Variants in SART1 observed in about 807,000 individuals in gnomAD.
SART1 encodes U4/U6.U5 tri-snRNP-associated protein 1.
In SART1, 28 loss-of-function variants were observed where a neutral mutation model predicts 105.0. The ratio of observed to expected loss-of-function variants is 0.27; its 90% CI spans 0.20 to 0.37. SART1 has a LOEUF of 0.37. SART1 is among the 10% of genes least tolerant of loss of function. The pLI is 1.00. For missense variants in SART1, 894 were observed against 1,106.5 expected (o/e 0.81, Z 2.72); for synonymous variants, 472 against 462.9 (o/e 1.02, Z -0.25).
chr11:65,977,990 A>G, intron 17 of SART1, 91 bp downstream of exon 17: 2 of 1,400,872 alleles, frequency 1.4e-6, no homozygotes, highest in Non-Finnish European at 2.0e-6. Context: ...GCAATGCCCC[A>G]GGGTCCTGGC....
chr11:65,963,681 C>T (rs1056864339), intron 1 of SART1, among the ~76,000 whole-genome samples: 1 of 152,074 alleles, frequency 6.6e-6, no homozygotes, highest in East Asian at 1.9e-4. Context: ...GGGGTTTCAC[C>T]ATCTTGGCCA....
At chr11:65,962,729 G>A (rs1285858474) in intron 1 of SART1, among the ~76,000 whole-genome samples, 3 of 152,192 alleles carry the variant, frequency 2.0e-5, no homozygotes, top group Non-Finnish European at 4.4e-5. Context: ...CAGGACTGGA[G>A]ACCAGGAAAC....
intron 17 of SART1, 64 bp downstream of exon 17, chr11:65,977,963 G>A (rs1290161157): frequency 6.5e-7 from 1 of 1,542,260 alleles, no homozygotes; most frequent in Non-Finnish European, 8.8e-7. Context: ...CCAGGGCCAT[G>A]CAATGCCCCG....
rs775166238 is a variant in SART1 at position 65,965,903 on chromosome 11, G to A, written c.755G>A (p.Arg252Gln). ...TTCCCTTAGGACCTGTACAGTGCCC[G>A]GGACCTGCAGGGCCTCACCGTGGAG... Reference protein sequence around the residue: ...GQRRQDLYSARDLQGLTVEHA... With the variant: ...GQRRQDLYSAQDLQGLTVEHA... The change falls in exon 7 of 20, where the codon CGG (arginine) becomes CAG (glutamine). Residue 252 changes from arginine to glutamine, a missense_variant. Around this residue, in one of 2 missense-constraint regions of SART1, gnomAD observed 712 missense variants for 778.2 expected, o/e 0.91. Coordinates refer to ENST00000312397, the MANE Select transcript of SART1 (RefSeq NM_005146.5). 2.5e-6 allele frequency: 4 copies of A among 1,613,966 alleles called. No individual in the cohort carries two copies. Among genetic ancestry groups the A allele is most frequent in the South Asian group, 1.1e-5 (1 of 91,088 alleles).
rs1182490991 is a variant in SART1 at position 65,967,154 on chromosome 11, G to A, written c.1189-105G>A. The A allele has an allele frequency of 7.3e-6, 11 of 1,501,174 alleles. No homozygotes were observed. In the East Asian group the frequency reaches 1.6e-4, roughly 22 times the overall value. 93.0% of individuals were successfully genotyped at this position (1,501,174 alleles called of 1,614,324 possible). A position where few individuals can be genotyped will look rare whatever the true frequency, so the allele number is the denominator to read the frequency against. On this transcript the variant is annotated intron_variant, in intron 9 of 19. Coordinates refer to ENST00000312397, the MANE Select transcript of SART1 (RefSeq NM_005146.5). The stretch of plus-strand genomic sequence containing the variant: ...CTCATGTGTGGGAAGCGCTCAGGAC[G>A]CTGGCTAGCACAGAGGAACACCAAA...
At chr11:65,964,954 G>A (rs1590633095) in intron 3 of SART1, 138 bp from the exon 4 acceptor site, 1 of 1,126,560 alleles carries the variant, frequency 8.9e-7, no homozygotes, top group Non-Finnish European at 1.2e-6. Flanking sequence ...CGAAGTGGGA[G>A]CAGGGAGGTG....
rs1855288176 is a variant in SART1 at position 65,967,669 on chromosome 11, T to A, written c.1430-10T>A. 1 of 1,578,972 alleles carries A rather than the reference T, an allele frequency of 6.3e-7. No homozygotes were observed. The highest frequency in any genetic ancestry group is 1.1e-5 in the South Asian group (1 of 87,176). On this transcript the variant is annotated splice_polypyrimidine_tract_variant and intron_variant, in intron 11 of 19. Transcript: ENST00000312397. ...ATGGTCTGAGCAGGCATCCCCTGTG[T>A]TTCCCCCAGAGGAAGGTGGAGCTCC... is the stretch of plus-strand genomic sequence containing the variant.
At chr11:65,962,766 C>T (rs969745210) in intron 1 of SART1, among the ~76,000 whole-genome samples, 1 of 152,132 alleles carries the variant, frequency 6.6e-6, no homozygotes, top group African/African-American at 2.4e-5. Context: ...CAGGGGAGGG[C>T]TGATGGTGGC....
In SART1 at chr11:65,967,778, G is replaced by T; in HGVS notation, c.1529G>T (p.Arg510Leu). 6.5e-7 allele frequency: 1 copy of T among 1,549,498 alleles called. No individual in the cohort carries two copies. Among genetic ancestry groups the T allele is most frequent in the South Asian group, 1.2e-5 (1 of 83,982 alleles). Residue 510 changes from arginine (R) to leucine (L), a missense_variant, in exon 12 of 20, where the codon CGA (arginine) becomes CTA (leucine). Around this residue, in one of 2 missense-constraint regions of SART1, gnomAD observed 712 missense variants for 778.2 expected, o/e 0.91. Transcript: ENST00000312397. ...CAGCTGGAGAAGGGACGCCGGCTGC[G>T]ACAGTTACAGCAGCTACAGCAGCTG... ...QKQLEKGRRLRQLQQLQQLRD... is the reference protein window; with the variant it reads ...QKQLEKGRRLLQLQQLQQLRD...
Position 65,965,370 on chromosome 11 carries a change from C to T in SART1, c.583C>T (p.Pro195Ser), listed in dbSNP as rs989656270. The change falls in exon 5 of 20, where the codon CCC becomes TCC. Residue 195 changes from proline (P) to serine (S), a missense_variant. Physicochemically the swap from Pro to Ser is moderately conservative, Grantham distance 74. Transcript: ENST00000312397. ...GKIKTLGEDDPWLDDTAAWIE... is the reference protein window; with the variant it reads ...GKIKTLGEDDSWLDDTAAWIE... The stretch of plus-strand genomic sequence containing the variant: ...GATAAAGACCCTAGGAGAGGATGAC[C>T]CCTGGCTGGACGACACTGCAGCCTG... 1.9e-6 allele frequency: 3 copies of T among 1,588,794 alleles called. No homozygotes were observed. The highest frequency in any genetic ancestry group is 1.3e-5 in the African/African-American group (1 of 74,200).
At chr11:65,975,293 G>A (rs374516477) in intron 12 of SART1, among the ~76,000 whole-genome samples, 3 of 151,576 alleles carry the variant, frequency 2.0e-5, no homozygotes, top group East Asian at 3.9e-4. Context: ...TGTAGAGACT[G>A]TGCTTCACCT....
rs775731527 is a variant in SART1 at position 65,976,581 on chromosome 11, C to A, written c.1746+13C>A. ...GGAGGAGCTCATGGTGCGTCTGGGG[C>A]GGCCCCGCCCTCTGCTTCCCTCGGC... On this transcript the variant is annotated intron_variant, in intron 13 of 19. Coordinates refer to ENST00000312397, the MANE Select transcript of SART1 (RefSeq NM_005146.5). The surrounding 1 kb of genome is among the most constrained non-coding windows in gnomAD (Gnocchi z 5.1). 1.2e-6 allele frequency: 2 copies of A among 1,612,956 alleles called. No homozygotes were observed. The highest frequency in any genetic ancestry group is 1.1e-5 in the South Asian group (1 of 90,962).
chr11:65,962,388 C>T (rs1407311749), intron 1 of SART1, among the ~76,000 whole-genome samples: 1 of 152,216 alleles, frequency 6.6e-6, no homozygotes, highest in East Asian at 1.9e-4. Flanking sequence ...CTCCACTCAG[C>T]TGCTTGAGGA....
intron 12 of SART1, among the ~76,000 whole-genome samples, chr11:65,969,720 T>C (rs1855334455): frequency 6.6e-6 from 1 of 151,882 alleles, no homozygotes; most frequent in Non-Finnish European, 1.5e-5. Context: ...TGGTGTAGCC[T>C]AGAAAGTTTT....
In SART1 at chr11:65,978,967, C is replaced by T; in HGVS notation, c.2385-45C>T. 2 of 1,613,366 alleles carry T rather than the reference C, an allele frequency of 1.2e-6. No individual in the cohort carries two copies. The highest frequency in any genetic ancestry group is 1.7e-6 in the Non-Finnish European group (2 of 1,179,836). On this transcript the variant is annotated intron_variant, in intron 19 of 19. Coordinates refer to ENST00000312397, the MANE Select transcript of SART1 (RefSeq NM_005146.5). The surrounding 1 kb of genome is among the most constrained non-coding windows in gnomAD (Gnocchi z 6.8). ...GGTGTGGTGGGGAGGGGTGGCGTGG[C>T]CTGTGCCCGCCTCTGCAGCCTCACG...
In SART1 at chr11:65,980,021, G is replaced by A. The variant is rs1305847759; in HGVS notation, c.*991G>A. On this transcript the variant is annotated 3_prime_UTR_variant, in exon 20 of 20. Coordinates refer to ENST00000312397, the MANE Select transcript of SART1 (RefSeq NM_005146.5). ...CCAGCTACTTGGGATGCTGAGGTGG[G>A]AGGATCACTTGAACCTGGGAGACAC... Among the ~76,000 whole-genome samples, 1 of 152,144 alleles carries A rather than the reference G, an allele frequency of 6.6e-6. No homozygotes were observed. Among genetic ancestry groups the A allele is most frequent in the Non-Finnish European group, 1.5e-5 (1 of 68,028 alleles).
At position 65,965,177 on chromosome 11, in the gene SART1, G is replaced by A; in HGVS notation, c.513G>A (p.Leu171=). The A allele has an allele frequency of 6.2e-7, 1 of 1,607,044 alleles. No individual in the cohort carries two copies. Among genetic ancestry groups the A allele is most frequent in the Non-Finnish European group, 8.5e-7 (1 of 1,178,442 alleles). The part of the protein sequence containing the change: ...LRQREELREK[L]AAAKEKRLLN... ...AGCGAGAGGAGCTGCGGGAGAAGCT[G>A]GCGGCTGCCAAGGAGAAGCGCCTGC... The change falls in exon 4 of 20, where the codon CTG becomes CTA. Residue 171 remains leucine (L), a synonymous_variant. Coordinates refer to ENST00000312397, the MANE Select transcript of SART1 (RefSeq NM_005146.5).
chr11:65,978,735 G>A lies in SART1; in HGVS notation c.2262+46G>A, dbSNP rs766302263. 1 of 1,613,792 alleles carries A rather than the reference G, an allele frequency of 6.2e-7. No individual in the cohort carries two copies. The highest frequency in any genetic ancestry group is 2.2e-5 in the East Asian group (1 of 44,870). On this transcript the variant is annotated intron_variant, in intron 18 of 19. Transcript: ENST00000312397. This position sits in a 1 kb window ranked among gnomAD's most constrained non-coding sequence, Gnocchi z 6.8. ...GGGGGGCCCTGTGCCTGCCGGGGCA[G>A]GGGTGGCTGGTGTGTGGGGCCTGCT...
intron 1 of SART1, among the ~76,000 whole-genome samples, chr11:65,963,337 A>G (rs545037634): frequency 1.3e-5 from 2 of 152,116 alleles, no homozygotes; most frequent in African/African-American, 2.4e-5. Flanking sequence ...AAAAGAACCC[A>G]CTAGATTTAG....
Sources: gnomAD v4.1 joint callset for allele counts (sites outside exome capture counted in the v4.1 genomes callset) on GRCh38, gnomAD v4.1.1 for gene constraint, gnomAD v4.1.1 regional missense constraint, Gnocchi (gnomAD v3.1) non-coding constraint, MANE v1.5 for transcripts, NCBI Gene and HGNC (gene_info 2026-07-23, HGNC 2026-07-21) for gene names.